The following PRKCE variants were observed in gnomAD, a reference collection of about 807,000 sequenced individuals.
PRKCE encodes the protein protein kinase C epsilon type.
A neutral mutation model predicts 85.4 loss-of-function variants in PRKCE; 16 were observed. The ratio of observed to expected loss-of-function variants is 0.19; its 90% CI spans 0.13 to 0.28. PRKCE has a LOEUF of 0.28. Among genes scored for constraint, PRKCE ranks in the 10% least tolerant of loss-of-function variants. The probability of loss-of-function intolerance (pLI) is 1.00; values close to 1 mark genes in which losing one functional copy is unlikely to be tolerated. For missense variants in PRKCE, 573 were observed against 975.2 expected (o/e 0.59, Z 5.49); for synonymous variants, 388 against 371.5 (o/e 1.04, Z -0.51).
intron 1 of PRKCE, among the ~76,000 whole-genome samples, chr2:45,653,384 T>TTG (rs1675228948): frequency 6.9e-6 from 1 of 144,362 alleles, no homozygotes; most frequent in South Asian, 2.3e-4. Flanking sequence ...TTTTTTTTTT[T>TTG]TTTTTTTTTT....
intron 10 of PRKCE, among the ~76,000 whole-genome samples, chr2:46,013,186 A>G (rs1318606516): frequency 6.6e-6 from 1 of 152,232 alleles, no homozygotes; most frequent in African/African-American, 2.4e-5. Context: ...TAAACCTTCA[A>G]CTTAACTTTT....
At chr2:45,656,001 T>G (rs2103700638) in intron 1 of PRKCE, among the ~76,000 whole-genome samples, 2 of 152,114 alleles carry the variant, frequency 1.3e-5, no homozygotes, top group Middle Eastern at 3.4e-3. Flanking sequence ...ACCGCAGGAA[T>G]AAAGGCAGAC....
At chr2:46,043,104 G>GTT (rs68116207) in intron 10 of PRKCE, among the ~76,000 whole-genome samples, 51,042 of 149,786 alleles carry the variant, frequency 0.34, 10,492 homozygotes, top group African/African-American at 0.58. Context: ...CAGAAAAACA[G>GTT]TTTTTTTTTT....
chr2:45,856,888 A>G (rs1396486313), intron 2 of PRKCE, among the ~76,000 whole-genome samples: 1 of 152,158 alleles, frequency 6.6e-6, no homozygotes, highest in Non-Finnish European at 1.5e-5. Flanking sequence ...GGATTTCATT[A>G]TGTTTTATGG....
chr2:45,961,805 C>G (rs769221185), intron 2 of PRKCE, among the ~76,000 whole-genome samples: 1 of 152,162 alleles, frequency 6.6e-6, no homozygotes, highest in Non-Finnish European at 1.5e-5. Context: ...AAGCGATTCT[C>G]CTGCCTGAGC....
intron 14 of PRKCE, among the ~76,000 whole-genome samples, chr2:46,160,505 G>A (rs957432873): frequency 1.3e-5 from 2 of 152,214 alleles, no homozygotes; most frequent in Admixed American, 6.5e-5. Context: ...ATTCTGTTGT[G>A]TTGTAGCCCG....
chr2:46,022,470 A>C (rs1250150439), intron 10 of PRKCE, among the ~76,000 whole-genome samples: 4 of 152,164 alleles, frequency 2.6e-5, no homozygotes, highest in African/African-American at 7.2e-5. Flanking sequence ...TTCTACAGGG[A>C]AAGTCACATG....
At chr2:45,963,130 T>C (rs1294156237) in intron 2 of PRKCE, among the ~76,000 whole-genome samples, 1 of 151,682 alleles carries the variant, frequency 6.6e-6, no homozygotes, top group Non-Finnish European at 1.5e-5. Context: ...TGGGCCTGGG[T>C]CGATAGAAGG....
chr2:46,046,870 C>T (rs1015869981), intron 10 of PRKCE, among the ~76,000 whole-genome samples: 4 of 152,170 alleles, frequency 2.6e-5, no homozygotes, highest in Non-Finnish European at 5.9e-5. Flanking sequence ...CTGTTTATTT[C>T]CAGTGTAGTC....
At chr2:45,810,914 C>T (rs1035820071) in intron 1 of PRKCE, among the ~76,000 whole-genome samples, 2 of 152,212 alleles carry the variant, frequency 1.3e-5, no homozygotes, top group African/African-American at 4.8e-5. Context: ...GTCCTCTAGA[C>T]TCGATACCCA....
intron 11 of PRKCE, among the ~76,000 whole-genome samples, chr2:46,117,194 A>G (rs1395333891): frequency 6.6e-6 from 1 of 152,230 alleles, no homozygotes; most frequent in African/African-American, 2.4e-5. Context: ...TTTTTAAACC[A>G]ACATACCAGA....
chr2:46,130,679 C>T (rs956142167), intron 11 of PRKCE, among the ~76,000 whole-genome samples: 13 of 152,222 alleles, frequency 8.5e-5, no homozygotes, highest in Admixed American at 4.6e-4. Context: ...GAGAAATATT[C>T]CTTCCGCAGA....
At chr2:46,021,447 G>A (rs1412147857) in intron 10 of PRKCE, among the ~76,000 whole-genome samples, 1 of 152,160 alleles carries the variant, frequency 6.6e-6, no homozygotes, top group Non-Finnish European at 1.5e-5. Flanking sequence ...AGAGGCAGTG[G>A]GGAAGAACTT....
chr2:45,761,628 CAGT>C, intron 1 of PRKCE, among the ~76,000 whole-genome samples: 1 of 152,154 alleles, frequency 6.6e-6, no homozygotes, highest in East Asian at 1.9e-4. Context: ...ACTTGGGCCC[CAGT>C]CTAATCTCTG....
At chr2:45,741,764 G>A (rs1306991803) in intron 1 of PRKCE, among the ~76,000 whole-genome samples, 1 of 152,208 alleles carries the variant, frequency 6.6e-6, no homozygotes, top group African/African-American at 2.4e-5. Context: ...GATTACCCAG[G>A]AAAGCTGCCA....
chr2:46,066,419 T>G (rs1312861672), intron 10 of PRKCE, among the ~76,000 whole-genome samples: 1 of 152,198 alleles, frequency 6.6e-6, no homozygotes, highest in Non-Finnish European at 1.5e-5. Context: ...GAGGTTGAAT[T>G]GGCTAAGGCT....
chr2:45,738,865 G>A (rs952967589), intron 1 of PRKCE, among the ~76,000 whole-genome samples: 6 of 152,162 alleles, frequency 3.9e-5, no homozygotes, highest in Non-Finnish European at 2.9e-5. Context: ...GTTTTTACAC[G>A]GCTCAATCAC....
At chr2:46,055,038 T>C (rs1386277226) in intron 10 of PRKCE, among the ~76,000 whole-genome samples, 1 of 152,112 alleles carries the variant, frequency 6.6e-6, no homozygotes, top group African/African-American at 2.4e-5. Context: ...CCCCCACATT[T>C]ACCATCTCTA....
intron 1 of PRKCE, among the ~76,000 whole-genome samples, chr2:45,818,774 C>T (rs546789072): frequency 3.9e-5 from 6 of 152,222 alleles, no homozygotes; most frequent in East Asian, 1.9e-4. Flanking sequence ...TCTCCTTTGC[C>T]CTGCCGCAGC....
Sources: allele counts gnomAD v4.1 joint callset (sites outside exome capture counted in the v4.1 genomes callset), GRCh38; gene constraint gnomAD v4.1.1; transcripts MANE v1.5; gene names NCBI Gene and HGNC (gene_info 2026-07-23, HGNC 2026-07-21).